The following LRRC56 variants were observed in gnomAD, a reference collection of about 807,000 sequenced individuals.
LRRC56 encodes the protein leucine-rich repeat-containing protein 56.
Under a neutral mutation model 47.8 loss-of-function variants are expected in LRRC56, and 41 were observed. The ratio of observed to expected loss-of-function variants is 0.86; its 90% CI spans 0.67 to 1.11. The LOEUF (loss-of-function observed/expected upper bound fraction) is 1.11, where lower values mean the gene tolerates loss of function less well. Ranked by LOEUF, LRRC56 falls within the 50% of genes most tolerant of loss-of-function variation. The pLI, the probability that LRRC56 is intolerant of heterozygous loss-of-function variation, is 0.00. For synonymous variants in LRRC56, 387 were observed against 311.2 expected, an observed-to-expected ratio of 1.24 and a Z score of -2.56; for missense variants, 759 against 704.2, an observed-to-expected ratio of 1.08 and a Z score of -0.88.
the LRRC56 span, among the ~76,000 whole-genome samples, chr11:532,012 G>A: frequency 4.1e-4 from 62 of 152,296 alleles, no homozygotes; most frequent in Non-Finnish European, 7.8e-4. Flanking sequence ...AGCACAGTAA[G>A]CTCTCTGTCC....
the LRRC56 span, among the ~76,000 whole-genome samples, chr11:530,186 T>C: frequency 6.6e-6 from 1 of 152,096 alleles, no homozygotes. Context: ...GGCCCAGCCC[T>C]GCAACCCCAG....
the LRRC56 span, among the ~76,000 whole-genome samples, chr11:512,133 A>C: frequency 6.6e-6 from 1 of 151,944 alleles, no homozygotes; most frequent in African/African-American, 2.4e-5. Context: ...TGGTAGAGAC[A>C]GTGTTTCACC....
chr11:533,314 G>A (rs200931795), upstream of LRRC56: 17 of 1,602,482 alleles, frequency 1.1e-5, no homozygotes, highest in East Asian at 2.9e-4. Flanking sequence ...GTCCCGGGGG[G>A]TCCCAGAGGG....
upstream of LRRC56, among the ~76,000 whole-genome samples, chr11:536,067 C>A (rs962701989): frequency 6.6e-6 from 1 of 152,234 alleles, no homozygotes; most frequent in East Asian, 1.9e-4. Flanking sequence ...GCTGCCCTTC[C>A]GCGCAGGTGG....
intron 1 of LRRC56, among the ~76,000 whole-genome samples, 200 bp downstream of exon 1, chr11:537,805 C>T (rs914935471): frequency 2.6e-5 from 4 of 152,158 alleles, no homozygotes; most frequent in Non-Finnish European, 5.9e-5. Context: ...TGAAAGGGCT[C>T]CCTGTCAGGA....
the LRRC56 span, among the ~76,000 whole-genome samples, chr11:528,293 T>C: frequency 8.4e-3 from 1,276 of 152,284 alleles, 26 homozygotes; most frequent in African/African-American, 0.029. Flanking sequence ...AGGGATGTGA[T>C]CCGACGGGCA....
the LRRC56 span, chr11:532,457 T>TTCCTTCCTCC: frequency 1.1e-6 from 1 of 870,878 alleles, no homozygotes; most frequent in East Asian, 2.7e-5. Context: ...GCTTCCGTCC[T>TTCCTTCCTCC]TCCTTCCTCC....
chr11:518,909 G>C, the LRRC56 span, among the ~76,000 whole-genome samples: 2 of 151,986 alleles, frequency 1.3e-5, no homozygotes, highest in Non-Finnish European at 1.5e-5. Context: ...GGGCGGGGGG[G>C]CGTGTCTCCC....
chr11:542,580 C>CAAAAAAAAAAA (rs71022928), intron 5 of LRRC56, among the ~76,000 whole-genome samples: 10 of 26,000 alleles, frequency 3.8e-4, no homozygotes, highest in African/African-American at 1.9e-3. Context: ...AACCCTGTCG[C>CAAAAAAAAAAA]AAAAAAAAAA....
Position 551,301 on chromosome 11 carries a change from G to A in LRRC56, c.795G>A (p.Leu265=), listed in dbSNP as rs1309885207. 5 of 1,512,574 alleles carry A rather than the reference G, an allele frequency of 3.3e-6. No individual in the cohort carries two copies. In the East Asian group the frequency reaches 1.0e-4, roughly 31 times the overall value. The allele number at this position is 1,512,574 out of a possible 1,614,324, so 93.7% of individuals were successfully genotyped here. A position where few individuals can be genotyped will look rare whatever the true frequency, so the allele number is the denominator to read the frequency against. Residue 265 remains leucine (L), a splice_region_variant and synonymous_variant, in exon 9 of 14, where the codon CTG becomes CTA. Coordinates refer to ENST00000270115, the MANE Select transcript of LRRC56 (RefSeq NM_198075.4). ...AGAAGGGCAACGGCCTTCCCCCGCT[G>A]GGTACGGCAGCTGCGCCCGGAGGAC... ...AIKKGNGLPP[L]DCPRGAPIRR... is the part of the protein sequence containing the mutation.
Position 540,673 on chromosome 11 carries a change from G to A in LRRC56, c.-11-1G>A. The A allele has an allele frequency of 6.2e-7, 1 of 1,611,574 alleles. No homozygotes were observed. Among genetic ancestry groups the A allele is most frequent in the Non-Finnish European group, 8.5e-7 (1 of 1,179,344 alleles). On this transcript the variant is annotated splice_acceptor_variant, in intron 3 of 13. Coordinates refer to ENST00000270115, the MANE Select transcript of LRRC56 (RefSeq NM_198075.4). LOFTEE classifies it low-confidence loss of function (5UTR_SPLICE). ...GCTTTGCACTGTGCCTCTGTCAGCAGGTGACATGTGAATGGATCTGGGCTG... is the reference window on the plus strand; with the variant it reads ...GCTTTGCACTGTGCCTCTGTCAGCAAGTGACATGTGAATGGATCTGGGCTG...
intron 13 of LRRC56, 101 bp downstream of exon 13, chr11:552,803 T>G: frequency 9.8e-7 from 1 of 1,017,456 alleles, no homozygotes; most frequent in Non-Finnish European, 1.4e-6. Context: ...AACCTGGCCC[T>G]GCTTCCTCAG....
the LRRC56 span, among the ~76,000 whole-genome samples, chr11:525,325 G>A: frequency 5.3e-5 from 8 of 152,002 alleles, no homozygotes; most frequent in East Asian, 1.9e-4. Flanking sequence ...GGATCACGAG[G>A]TCAGGAGATC....
intron 6 of LRRC56, 41 bp downstream of exon 6, chr11:544,821 G>T: frequency 6.3e-7 from 1 of 1,584,454 alleles, no homozygotes. Flanking sequence ...CTGCCATGAG[G>T]GGGTCCGATG....
At chr11:542,770 T>C (rs578088797) in intron 5 of LRRC56, among the ~76,000 whole-genome samples, 20 of 152,186 alleles carry the variant, frequency 1.3e-4, no homozygotes, top group Admixed American at 1.2e-3. Flanking sequence ...GACACTTCAG[T>C]GTGTATTTCC....
the LRRC56 span, among the ~76,000 whole-genome samples, chr11:526,956 ATAT>A: frequency 2.6e-5 from 4 of 151,654 alleles, no homozygotes; most frequent in Non-Finnish European, 5.9e-5. Flanking sequence ...AAAAAAAGAA[ATAT>A]TGTTCAGCAA....
chr11:517,793 G>A, the LRRC56 span, among the ~76,000 whole-genome samples: 2 of 152,204 alleles, frequency 1.3e-5, no homozygotes, highest in African/African-American at 4.8e-5. Context: ...GAAAGAAGTA[G>A]ACATAGGAGA....
At chr11:509,491 G>A in the LRRC56 span, among the ~76,000 whole-genome samples, 1 of 152,230 alleles carries the variant, frequency 6.6e-6, no homozygotes, top group African/African-American at 2.4e-5. Context: ...CATGGTGTCT[G>A]TGGCCGGGCC....
the LRRC56 span, among the ~76,000 whole-genome samples, chr11:511,378 G>T: frequency 3.9e-5 from 6 of 151,948 alleles, no homozygotes; most frequent in African/African-American, 1.4e-4. Context: ...AAATATTTGA[G>T]AATTCAACTT....
Sources: allele counts gnomAD v4.1 joint callset (sites outside exome capture counted in the v4.1 genomes callset), GRCh38; gene constraint gnomAD v4.1.1; transcripts MANE v1.5; gene names NCBI Gene and HGNC (gene_info 2026-07-23, HGNC 2026-07-21).